The following DAB1 variants were observed in gnomAD, a reference collection of about 807,000 sequenced individuals.
The protein encoded by DAB1 is DAB adaptor protein 1.
Under a neutral mutation model 64.6 loss-of-function variants are expected in DAB1, and 15 were observed. The ratio of observed to expected loss-of-function variants is 0.23; its 90% confidence interval spans 0.16 to 0.36. The LOEUF is 0.36. Ranked by LOEUF, DAB1 falls within the 10% of genes least tolerant of loss-of-function variation. DAB1 has a pLI of 1.00. For synonymous variants in DAB1, 235 were observed against 251.9 expected (o/e 0.93, Z 0.64); for missense variants, 596 against 706.7 (o/e 0.84, Z 1.78).
rs904426675 is a variant in DAB1 at position 58,269,320 on chromosome 1, C to T, written n.309+74032G>A. Among the ~76,000 whole-genome samples, 7 of 151,522 alleles carry T rather than the reference C, an allele frequency of 4.6e-5. No homozygotes were observed. In the East Asian group the frequency reaches 1.4e-3, roughly 30 times the overall value. On this transcript the variant is annotated intron_variant and non_coding_transcript_variant, in intron 4 of 20. Transcript: ENST00000485760. ...GAGAATGATGACTTCCAATTTCATC[C>T]ATGTCCCTACAAAGGACATGAACTC...
chr1:57,969,296 G>C (rs1207640239), intron 5 of DAB1, among the ~76,000 whole-genome samples: 1 of 151,932 alleles, frequency 6.6e-6, no homozygotes, highest in African/African-American at 2.4e-5. Flanking sequence ...TGTACTTTTA[G>C]AGCTTCACAA....
intron 5 of DAB1, among the ~76,000 whole-genome samples, chr1:57,951,254 G>A (rs1645269270): frequency 6.9e-6 from 1 of 145,876 alleles, no homozygotes; most frequent in South Asian, 2.2e-4. Flanking sequence ...AGACATTGGG[G>A]GGTGAGGGGG....
chr1:57,889,898 G>A (rs1390071203), intron 5 of DAB1, among the ~76,000 whole-genome samples: 2 of 118,236 alleles, frequency 1.7e-5, no homozygotes, highest in Non-Finnish European at 3.4e-5. Flanking sequence ...ACAAACTGGG[G>A]CGGGGGGGGG....
Position 58,520,197 on chromosome 1 carries a change from C to A in DAB1, n.107+7064G>T, listed in dbSNP as rs191983236. ...TCATTTGTACACCAAATCTTAGCAA[C>A]GTGCAATTTACCCACGTAACAGACC... On this transcript the variant is annotated intron_variant and non_coding_transcript_variant, in intron 2 of 20. Transcript: ENST00000485760. 1.6e-3 allele frequency among the ~76,000 whole-genome samples: 250 copies of A among 152,152 alleles called. 1 individual carries two copies. Among genetic ancestry groups the A allele is most frequent in the Admixed American group, 6.3e-3 (97 of 15,286 alleles).
At chr1:57,233,960 AAGAGAGGT>A (rs1452132430) in intron 2 of DAB1, among the ~76,000 whole-genome samples, 4 of 152,148 alleles carry the variant, frequency 2.6e-5, no homozygotes, top group Non-Finnish European at 5.9e-5. Flanking sequence ...GTCAATTTAG[AAGAGAGGT>A]AGAAAACCAT....
intron 4 of DAB1, among the ~76,000 whole-genome samples, chr1:57,117,164 T>C (rs1027128984): frequency 1.3e-5 from 2 of 152,228 alleles, no homozygotes; most frequent in African/African-American, 4.8e-5. Flanking sequence ...GCTGGAACTC[T>C]TGCAGTGAAA....
chr1:57,495,962 A>G (rs1644225036), intron 7 of DAB1, among the ~76,000 whole-genome samples: 1 of 152,148 alleles, frequency 6.6e-6, no homozygotes. Context: ...CTGTCTCATT[A>G]CCAATTTGGG....
At chr1:58,025,649 G>GTATATATATATATATATATATA (rs1395128282) in intron 5 of DAB1, among the ~76,000 whole-genome samples, 8 of 115,058 alleles carry the variant, frequency 7.0e-5, no homozygotes, top group African/African-American at 2.9e-4. Flanking sequence ...ATATATATGT[G>GTATATATATATATATATATATA]TGTATATATA....
intron 4 of DAB1, among the ~76,000 whole-genome samples, chr1:58,298,322 T>A (rs1398194885): frequency 1.3e-5 from 2 of 152,214 alleles, no homozygotes; most frequent in Non-Finnish European, 2.9e-5. Flanking sequence ...ATTCCACCAC[T>A]GTCTTTACTT....
At chr1:58,074,564 G>GTGTGTGTATATATATATATATATATA (rs1332531604) in intron 5 of DAB1, 155 of 91,538 alleles carry the variant, frequency 1.7e-3, no homozygotes, top group Admixed American at 2.3e-3. Context: ...ATATATGTGT[G>GTGTGTGTATATATATATATATATATA]TATATATATA....
chr1:58,499,509 A>ATAGATAGATAG (rs776144705), intron 3 of DAB1, among the ~76,000 whole-genome samples: 66 of 42,900 alleles, frequency 1.5e-3, no homozygotes, highest in Non-Finnish European at 2.1e-3. Context: ...TAGATAGATA[A>ATAGATAGATAG]ATAGATAGAT....
At chr1:57,692,482 G>C (rs921114402) in intron 6 of DAB1, among the ~76,000 whole-genome samples, 1 of 152,092 alleles carries the variant, frequency 6.6e-6, no homozygotes, top group Non-Finnish European at 1.5e-5. Context: ...GTCAAAGAGA[G>C]AGGCAAAGTC....
At chr1:57,843,879 A>C (rs1226834317) in intron 1 of DAB1, among the ~76,000 whole-genome samples, 1 of 152,146 alleles carries the variant, frequency 6.6e-6, no homozygotes, top group Non-Finnish European at 1.5e-5. Context: ...CCTCTTTGGA[A>C]ACATTTGCTC....
At chr1:58,109,880 C>A (rs1651874614) in intron 5 of DAB1, among the ~76,000 whole-genome samples, 1 of 151,822 alleles carries the variant, frequency 6.6e-6, no homozygotes, top group African/African-American at 2.4e-5. Flanking sequence ...CACCACTGCC[C>A]CCACTCCATG....
chr1:57,326,456 C>G (rs1307915910), intron 1 of DAB1, among the ~76,000 whole-genome samples: 4 of 152,190 alleles, frequency 2.6e-5, no homozygotes, highest in Non-Finnish European at 5.9e-5. Flanking sequence ...ATTAAACACC[C>G]TCTCCACTGC....
chr1:57,813,990 T>C (rs1483956399), intron 6 of DAB1, among the ~76,000 whole-genome samples: 3 of 152,384 alleles, frequency 2.0e-5, no homozygotes, highest in Non-Finnish European at 2.9e-5. Flanking sequence ...CTTAGTGAAC[T>C]TTTTGGATGT....
chr1:57,017,537 T>G (rs1214125731), intron 11 of DAB1, among the ~76,000 whole-genome samples: 1 of 152,154 alleles, frequency 6.6e-6, no homozygotes, highest in Non-Finnish European at 1.5e-5. Context: ...GGCCTGGTCA[T>G]TTTCCTCGCA....
chr1:58,536,831 C>T lies in DAB1; in HGVS notation n.33-9496G>A. 2.8e-6 allele frequency: 2 copies of T among 712,440 alleles called. 1 individual carries two copies. Among genetic ancestry groups the T allele is most frequent in the South Asian group, 3.5e-5 (2 of 57,768 alleles). The allele number at this position is 712,440 out of a possible 1,614,324, so 44.1% of individuals were successfully genotyped here. A position where few individuals can be genotyped will look rare whatever the true frequency, so the allele number is the denominator to read the frequency against. ...TGCATACACTAGAATTTTACGTCCT[C>T]AAATACCTGAATTTGTATGATGTAT... On this transcript the variant is annotated intron_variant and non_coding_transcript_variant, in intron 1 of 20. Transcript: ENST00000485760.
At chr1:57,535,529 G>T (rs1644716550) in intron 7 of DAB1, among the ~76,000 whole-genome samples, 1 of 149,754 alleles carries the variant, frequency 6.7e-6, no homozygotes, top group African/African-American at 2.5e-5. Context: ...GACTGCTGTG[G>T]CGTGATCTTA....
Sources: allele counts gnomAD v4.1 joint callset (sites outside exome capture counted in the v4.1 genomes callset), GRCh38; gene constraint gnomAD v4.1.1; transcripts MANE v1.5; gene names NCBI Gene and HGNC (gene_info 2026-07-23, HGNC 2026-07-21).